TMC2: variants seen among roughly 807,000 people sequenced by gnomAD.
TMC2 encodes the protein transmembrane channel-like protein 2.
TMC2 carries 102 observed loss-of-function variants against 105.9 expected under a neutral mutation model. That is an observed-to-expected ratio of 0.96 (90% CI 0.82 to 1.14). The LOEUF is 1.14. Ranked by LOEUF, TMC2 falls within the 50% of genes most tolerant of loss-of-function variation. The probability of loss-of-function intolerance (pLI) is 0.00; values close to 1 mark genes in which losing one functional copy is unlikely to be tolerated. For synonymous variants in TMC2, 402 were observed against 422.8 expected (o/e 0.95, Z 0.60); for missense variants, 1,093 against 1,134.3 (o/e 0.96, Z 0.52).
At chr20:2,577,875 G>A (rs1456389032) in intron 5 of TMC2, among the ~76,000 whole-genome samples, 1 of 151,380 alleles carries the variant, frequency 6.6e-6, no homozygotes, top group Non-Finnish European at 1.5e-5. Flanking sequence ...GGCCTGGGCA[G>A]CAGAGTGAGA....
intron 17 of TMC2, 62 bp from the exon 18 acceptor site, chr20:2,635,864 C>T (rs569153882): frequency 5.1e-6 from 7 of 1,360,016 alleles, no homozygotes; most frequent in Admixed American, 1.7e-5. Context: ...CCAAGAAAGG[C>T]GCCCAGCTCC....
At chr20:2,581,111 T>C (rs537874098) in intron 7 of TMC2, among the ~76,000 whole-genome samples, 90 of 152,340 alleles carry the variant, frequency 5.9e-4, no homozygotes, top group African/African-American at 2.0e-3. Flanking sequence ...TATTTTGTTA[T>C]AAATGGTTCT....
chr20:2,558,278 C>A lies in TMC2; in HGVS notation c.83-178C>A. On this transcript the variant is annotated intron_variant, in intron 2 of 19. Coordinates refer to ENST00000358864, the MANE Select transcript of TMC2 (RefSeq NM_080751.3). The surrounding 1 kb of genome is among the most constrained non-coding windows in gnomAD (Gnocchi z 4.6). ...CTGCTTCTGCAGTTTTCTTAGTTTC[C>A]TTCAGCTTAAAATACTCAACATGCC... is the stretch of plus-strand genomic sequence containing the variant. The A allele has an allele frequency of 7.0e-7, 1 of 1,419,850 alleles. No individual in the cohort carries two copies. The highest frequency in any genetic ancestry group is 9.3e-7 in the Non-Finnish European group (1 of 1,077,118). 88.0% of individuals were successfully genotyped at this position (1,419,850 alleles called of 1,614,324 possible).
chr20:2,608,336 A>ATTG (rs1207880273), intron 11 of TMC2, among the ~76,000 whole-genome samples: 2 of 139,188 alleles, frequency 1.4e-5, no homozygotes, highest in African/African-American at 5.8e-5. Context: ...TATTATTATT[A>ATTG]TTATTATTTG....
intron 4 of TMC2, 23 bp from the exon 5 acceptor site, chr20:2,572,156 C>CT (rs371954216): frequency 0.092 from 113,353 of 1,235,484 alleles, 2,736 homozygotes; most frequent in African/African-American, 0.33. Context: ...TGAAATCCTG[C>CT]TTTTTTTTTT....
chr20:2,633,858 C>A (rs1216649621), intron 17 of TMC2, among the ~76,000 whole-genome samples: 1 of 152,204 alleles, frequency 6.6e-6, no homozygotes, highest in Non-Finnish European at 1.5e-5. Context: ...CCTAGATCTG[C>A]TGCAAACCTT....
At position 2,641,618 on chromosome 20, in the gene TMC2, A is replaced by C; in HGVS notation, c.*267A>C. ...CTTGGTTCAGACAGCTCTGAACCCC[A>C]CGCTCACAGTGGTCGACCTTGCCTC... is the stretch of plus-strand genomic sequence containing the variant. On this transcript the variant is annotated 3_prime_UTR_variant, in exon 20 of 20. Coordinates refer to ENST00000358864, the MANE Select transcript of TMC2 (RefSeq NM_080751.3). The C allele has an allele frequency of 2.5e-6, 1 of 401,908 alleles. No individual in the cohort carries two copies. The highest frequency in any genetic ancestry group is 4.6e-6 in the Non-Finnish European group (1 of 219,316). 24.9% of individuals were successfully genotyped at this position (401,908 alleles called of 1,614,324 possible).
At position 2,616,089 on chromosome 20, in the gene TMC2, G is replaced by T; in HGVS notation, c.1873-48G>T. On this transcript the variant is annotated intron_variant, in intron 14 of 19. Transcript: ENST00000358864. This position sits in a 1 kb window ranked among gnomAD's most constrained non-coding sequence, Gnocchi z 4.8. ...TAGGGTTTGGCTGAATTCACCAAAC[G>T]TGCTTTTTTTTTTCTCTCTCTCTCT... 1 of 1,531,308 alleles carries T rather than the reference G, an allele frequency of 6.5e-7. No homozygotes were observed. Among genetic ancestry groups the T allele is most frequent in the Non-Finnish European group, 9.0e-7 (1 of 1,111,240 alleles). The allele number at this position is 1,531,308 out of a possible 1,614,324, so 94.9% of individuals were successfully genotyped here. A position where few individuals can be genotyped will look rare whatever the true frequency, so the allele number is the denominator to read the frequency against.
intron 2 of TMC2, among the ~76,000 whole-genome samples, chr20:2,538,439 C>T (rs1320616920): frequency 5.3e-5 from 8 of 152,142 alleles, no homozygotes; most frequent in African/African-American, 1.4e-4. Context: ...GGTGGCCAGA[C>T]GAGAAACCTT....
At chr20:2,633,020 GTTGT>G (rs1377985468) in intron 17 of TMC2, among the ~76,000 whole-genome samples, 4 of 152,276 alleles carry the variant, frequency 2.6e-5, no homozygotes, top group East Asian at 1.9e-4. Flanking sequence ...TGTCGTTATT[GTTGT>G]TTAATAACTT....
intron 2 of TMC2, among the ~76,000 whole-genome samples, chr20:2,545,677 A>AGAAGAAGAAAGAAGAAG (rs141733072): frequency 6.8e-6 from 1 of 147,022 alleles, no homozygotes; most frequent in African/African-American, 2.5e-5. Flanking sequence ...CAAAAGAAGA[A>AGAAGAAGAAAGAAGAAG]GAAGAAGAAA....
intron 17 of TMC2, among the ~76,000 whole-genome samples, chr20:2,634,943 C>T (rs2086630711): frequency 6.6e-6 from 1 of 152,210 alleles, no homozygotes; most frequent in Non-Finnish European, 1.5e-5. Context: ...CTGGAGAGGG[C>T]TCACAGGCTC....
At chr20:2,585,031 G>A (rs1453734486) in intron 7 of TMC2, among the ~76,000 whole-genome samples, 1 of 152,066 alleles carries the variant, frequency 6.6e-6, no homozygotes, top group Non-Finnish European at 1.5e-5. Flanking sequence ...TGTTCCCAAA[G>A]TTTTGCCCTT....
At chr20:2,639,044 C>T (rs1270592426) in intron 19 of TMC2, among the ~76,000 whole-genome samples, 11 of 152,038 alleles carry the variant, frequency 7.2e-5, no homozygotes, top group African/African-American at 2.7e-4. Flanking sequence ...TACAGGTGCC[C>T]ACCACCATGC....
intron 17 of TMC2, among the ~76,000 whole-genome samples, chr20:2,630,659 A>G (rs2146264991): frequency 1.3e-5 from 2 of 152,264 alleles, no homozygotes; most frequent in South Asian, 4.1e-4. Context: ...CATCTCTACA[A>G]AAACTTTAAA....
intron 11 of TMC2, among the ~76,000 whole-genome samples, chr20:2,606,888 T>G (rs955220492): frequency 2.0e-5 from 2 of 102,222 alleles, no homozygotes; most frequent in Non-Finnish European, 3.5e-5. Flanking sequence ...TAATTTCTTT[T>G]TTCTTTTTTT....
chr20:2,553,895 G>T lies in TMC2; in HGVS notation c.83-4561G>T, dbSNP rs533547435. Among the ~76,000 whole-genome samples the T allele has an allele frequency of 1.5e-3, 223 of 152,078 alleles. 1 individual carries two copies. Among genetic ancestry groups the T allele is most frequent in the Middle Eastern group, 0.01 (3 of 294 alleles). On this transcript the variant is annotated intron_variant, in intron 2 of 19. Transcript: ENST00000358864. ...CTTTATTATCCTTTTGTTTTGTTTT[G>T]TTTTTTGAGACGGAGCTTTGCTCTT...
chr20:2,548,846 C>T (rs1430668349), intron 2 of TMC2, among the ~76,000 whole-genome samples: 2 of 151,992 alleles, frequency 1.3e-5, no homozygotes, highest in Non-Finnish European at 2.9e-5. Flanking sequence ...ATTTTGTAAC[C>T]TTCAACATCA....
chr20:2,543,648 G>A (rs1055622974), intron 2 of TMC2, among the ~76,000 whole-genome samples: 5 of 152,154 alleles, frequency 3.3e-5, no homozygotes, highest in Admixed American at 2.0e-4. Flanking sequence ...AAGCAGAGGC[G>A]TAGCACAAAG....
Sources: gnomAD v4.1 joint callset for allele counts (sites outside exome capture counted in the v4.1 genomes callset) on GRCh38, gnomAD v4.1.1 for gene constraint, Gnocchi (gnomAD v3.1) non-coding constraint, MANE v1.5 for transcripts, NCBI Gene and HGNC (gene_info 2026-07-23, HGNC 2026-07-21) for gene names.